The following VKORC1L1 variants were observed in gnomAD, a reference collection of about 807,000 sequenced individuals.
VKORC1L1 encodes the protein vitamin K epoxide reductase complex subunit 1-like protein 1.
Under a neutral mutation model 18.9 loss-of-function variants are expected in VKORC1L1, and 2 were observed. The ratio of observed to expected loss-of-function variants is 0.11; its 90% CI spans 0.04 to 0.33. The LOEUF is 0.33. Among genes scored for constraint, VKORC1L1 ranks in the 10% least tolerant of loss-of-function variants. The probability of loss-of-function intolerance (pLI) is 1.00; values close to 1 mark genes in which losing one functional copy is unlikely to be tolerated. For synonymous variants in VKORC1L1, 96 were observed against 100.0 expected (o/e 0.96, Z 0.24); for missense variants, 123 against 224.1 (o/e 0.55, Z 2.88).
chr7:65,919,353 G>A (rs1427209748), intron 1 of VKORC1L1, among the ~76,000 whole-genome samples: 1 of 152,124 alleles, frequency 6.6e-6, no homozygotes, highest in Non-Finnish European at 1.5e-5. Flanking sequence ...AACTTAACTT[G>A]CAAATTCATA....
At chr7:65,950,464 A>G (rs937265911) in intron 2 of VKORC1L1, among the ~76,000 whole-genome samples, 30 of 152,340 alleles carry the variant, frequency 2.0e-4, no homozygotes, top group African/African-American at 6.7e-4. Flanking sequence ...TTAAAAATAC[A>G]TGTAACTCTT....
At chr7:65,903,333 A>AT (rs1789350567) in intron 1 of VKORC1L1, among the ~76,000 whole-genome samples, 2 of 150,960 alleles carry the variant, frequency 1.3e-5, no homozygotes, top group Admixed American at 1.3e-4. Flanking sequence ...CGCCTGGCTA[A>AT]TTTTTTTATT....
At chr7:65,940,937 A>G (rs1427915606) in intron 1 of VKORC1L1, among the ~76,000 whole-genome samples, 1 of 152,182 alleles carries the variant, frequency 6.6e-6, no homozygotes, top group African/African-American at 2.4e-5. Flanking sequence ...CCTAAACAAC[A>G]TATCAAGTAA....
At chr7:65,936,290 TTCA>T (rs1282478930) in intron 1 of VKORC1L1, among the ~76,000 whole-genome samples, 2 of 152,340 alleles carry the variant, frequency 1.3e-5, no homozygotes, top group Middle Eastern at 3.4e-3. Context: ...TTGACATCTG[TTCA>T]TCATCGTTTG....
At chr7:65,865,857 C>A in the VKORC1L1 span, among the ~76,000 whole-genome samples, 1 of 151,858 alleles carries the variant, frequency 6.6e-6, no homozygotes, top group African/African-American at 2.4e-5. Context: ...CACCGTGGCT[C>A]ACGCCTATAA....
chr7:65,873,055 C>A (rs1788749548), upstream of VKORC1L1, among the ~76,000 whole-genome samples: 1 of 144,324 alleles, frequency 6.9e-6, no homozygotes, highest in Non-Finnish European at 1.5e-5. Context: ...GGCCGCGCGG[C>A]GCAGCGCCAC....
intron 1 of VKORC1L1, among the ~76,000 whole-genome samples, chr7:65,901,254 T>C (rs1789310389): frequency 6.6e-6 from 1 of 152,170 alleles, no homozygotes; most frequent in African/African-American, 2.4e-5. Context: ...CCCAGTGTTT[T>C]GGGAGGCCTA....
chr7:65,938,079 G>A (rs544609127), intron 1 of VKORC1L1, among the ~76,000 whole-genome samples: 40 of 152,128 alleles, frequency 2.6e-4, no homozygotes, highest in African/African-American at 9.6e-4. Context: ...GTGGTGGTGG[G>A]TGCTGGTAAT....
intron 1 of VKORC1L1, among the ~76,000 whole-genome samples, chr7:65,941,770 G>A (rs757385299): frequency 2.7e-5 from 4 of 146,718 alleles, no homozygotes; most frequent in Non-Finnish European, 4.5e-5. Context: ...TCTCCCTCTC[G>A]GGTTCAAGCG....
chr7:65,893,078 C>T (rs1158004200), intron 1 of VKORC1L1, among the ~76,000 whole-genome samples: 5 of 152,212 alleles, frequency 3.3e-5, no homozygotes, highest in Admixed American at 3.3e-4. Context: ...CCAGCTGTCT[C>T]CCATCAAGCC....
chr7:65,916,356 T>C (rs1789589248), intron 1 of VKORC1L1, among the ~76,000 whole-genome samples: 1 of 152,162 alleles, frequency 6.6e-6, no homozygotes. Context: ...ATTATTCTTA[T>C]TGACACCCAG....
upstream of VKORC1L1, among the ~76,000 whole-genome samples, chr7:65,872,805 G>A (rs1788742474): frequency 6.6e-6 from 1 of 151,926 alleles, no homozygotes; most frequent in Non-Finnish European, 1.5e-5. Context: ...AATATACAAC[G>A]AAAAAGGGAA....
At chr7:65,897,692 A>T (rs1583832911) in intron 1 of VKORC1L1, among the ~76,000 whole-genome samples, 3 of 149,222 alleles carry the variant, frequency 2.0e-5, no homozygotes, top group African/African-American at 7.4e-5. Context: ...GGAGGCTTAT[A>T]ATCTTTTTTT....
chr7:65,879,745 T>C (rs1281763189), intron 1 of VKORC1L1, among the ~76,000 whole-genome samples: 1 of 151,936 alleles, frequency 6.6e-6, no homozygotes, highest in Non-Finnish European at 1.5e-5. Context: ...TTTTCCTTCC[T>C]TCCTTCCTTT....
rs1789851079 is a variant in VKORC1L1, at chr7:65,931,182, G to T, written c.195-17489G>T. ...TTCATGAATGATATTGGTCTGTGGT[G>T]GTTTTTTTTTTCCTTTTTTTCTTTT... On this transcript the variant is annotated intron_variant, in intron 1 of 2. Coordinates refer to ENST00000360768, the MANE Select transcript of VKORC1L1 (RefSeq NM_173517.6). Among the ~76,000 whole-genome samples the T allele has an allele frequency of 3.3e-5, 5 of 151,276 alleles. No individual in the cohort carries two copies. In the South Asian group the frequency reaches 1.0e-3, roughly 32 times the overall value.
chr7:65,881,543 G>A (rs1788927954), intron 1 of VKORC1L1, among the ~76,000 whole-genome samples: 1 of 152,222 alleles, frequency 6.6e-6, no homozygotes, highest in Admixed American at 6.5e-5. Context: ...AGGGAGCTGT[G>A]TAGGGATGGA....
At chr7:65,937,560 A>AT (rs1172278627) in intron 1 of VKORC1L1, among the ~76,000 whole-genome samples, 6 of 151,762 alleles carry the variant, frequency 4.0e-5, no homozygotes, top group Non-Finnish European at 5.9e-5. Context: ...CATCCAGCTA[A>AT]TTTTTTTTGG....
intron 1 of VKORC1L1, among the ~76,000 whole-genome samples, chr7:65,926,873 G>A (rs996635997): frequency 6.6e-6 from 1 of 152,134 alleles, no homozygotes; most frequent in Non-Finnish European, 1.5e-5. Context: ...AAAACAATAT[G>A]TTCTCACTTA....
At chr7:65,898,336 G>A (rs1191627432) in intron 1 of VKORC1L1, among the ~76,000 whole-genome samples, 1 of 151,786 alleles carries the variant, frequency 6.6e-6, no homozygotes, top group African/African-American at 2.4e-5. Context: ...CACCCACCTC[G>A]GCCTCCCAAA....
Sources: gnomAD v4.1 joint callset for allele counts (sites outside exome capture counted in the v4.1 genomes callset) on GRCh38, gnomAD v4.1.1 for gene constraint, MANE v1.5 for transcripts, NCBI Gene and HGNC (gene_info 2026-07-23, HGNC 2026-07-21) for gene names.